ARIH2: variants seen among roughly 807,000 people sequenced by gnomAD.
The protein encoded by ARIH2 is ariadne RBR E3 ubiquitin protein ligase 2.
A neutral mutation model predicts 79.8 loss-of-function variants in ARIH2; 12 were observed. That is an observed-to-expected ratio of 0.15 (90% confidence interval 0.10 to 0.24). The LOEUF is 0.24. ARIH2 is among the 10% of genes least tolerant of loss of function. The probability of loss-of-function intolerance (pLI) is 1.00; values close to 1 mark genes in which losing one functional copy is unlikely to be tolerated. For synonymous variants in ARIH2, 224 were observed against 213.9 expected (o/e 1.05, Z -0.41); for missense variants, 301 against 618.3 (o/e 0.49, Z 5.44).
chr3:48,963,349 G>A (rs962367289), intron 4 of ARIH2, among the ~76,000 whole-genome samples: 4 of 152,158 alleles, frequency 2.6e-5, no homozygotes, highest in African/African-American at 9.7e-5. Context: ...TGGAGATTTG[G>A]ATGGCAAAAG....
At chr3:48,982,823 C>T (rs2092798511) in intron 14 of ARIH2, 73 bp from the exon 15 acceptor site, 1 of 1,098,396 alleles carries the variant, frequency 9.1e-7, no homozygotes, top group Non-Finnish European at 1.4e-6. Context: ...GCTGCATGTG[C>T]CCACCCCCGT....
intron 9 of ARIH2, among the ~76,000 whole-genome samples, chr3:48,974,093 A>T (rs1051205360): frequency 6.6e-6 from 1 of 152,174 alleles, no homozygotes; most frequent in Non-Finnish European, 1.5e-5. Context: ...TTATGATTGA[A>T]CGCCTACCAG....
At chr3:48,975,617 T>A (rs1014633554) in intron 11 of ARIH2, among the ~76,000 whole-genome samples, 3 of 151,372 alleles carry the variant, frequency 2.0e-5, no homozygotes, top group Non-Finnish European at 4.4e-5. Flanking sequence ...CAGGCTGGAG[T>A]GCAGTGGCGC....
chr3:48,980,255 C>A, intron 12 of ARIH2, 98 bp from the exon 13 acceptor site: 3 of 1,273,762 alleles, frequency 2.4e-6, no homozygotes, highest in Non-Finnish European at 3.3e-6. Flanking sequence ...GAGTCTGTGG[C>A]CATGTCCTGC....
intron 3 of ARIH2, chr3:48,934,308 C>G: frequency 1.3e-6 from 1 of 762,288 alleles, no homozygotes; most frequent in Non-Finnish European, 1.6e-6. Flanking sequence ...TAAAAGATAA[C>G]AAGTATCTGG....
At chr3:48,979,666 G>T (rs1482017896) in intron 12 of ARIH2, 33 bp downstream of exon 12, 1 of 1,609,472 alleles carries the variant, frequency 6.2e-7, no homozygotes, top group East Asian at 2.2e-5. Context: ...TCCCCTACAG[G>T]GTAGGCTTCT....
intron 3 of ARIH2, among the ~76,000 whole-genome samples, chr3:48,947,632 A>G (rs2089372291): frequency 6.6e-6 from 1 of 152,246 alleles, no homozygotes; most frequent in Non-Finnish European, 1.5e-5. Flanking sequence ...TTATAAATAA[A>G]AAGTCAAAGT....
At chr3:48,941,775 G>A (rs912776776) in intron 3 of ARIH2, among the ~76,000 whole-genome samples, 17 of 149,200 alleles carry the variant, frequency 1.1e-4, no homozygotes, top group African/African-American at 4.2e-4. Context: ...TGTATTTTTA[G>A]TAGAGACGGG....
At position 48,984,314 on chromosome 3, in the gene ARIH2, T is replaced by C. The variant is rs897704489; in HGVS notation, c.*1044T>C. On this transcript the variant is annotated 3_prime_UTR_variant, in exon 16 of 16. Transcript: ENST00000356401. ...TAGCCCTTCCTAGGGCACTGGACTTTCTGGCATGGGGGCTGTGTTTGCACA... is the reference window on the plus strand; with the variant it reads ...TAGCCCTTCCTAGGGCACTGGACTTCCTGGCATGGGGGCTGTGTTTGCACA... 4.6e-5 allele frequency: 7 copies of C among 152,656 alleles called. No individual in the cohort carries two copies. Among genetic ancestry groups the C allele is most frequent in the African/African-American group, 1.7e-4 (7 of 41,438 alleles). 9.5% of individuals were successfully genotyped at this position (152,656 alleles called of 1,614,324 possible). A position where few individuals can be genotyped will look rare whatever the true frequency, so the allele number is the denominator to read the frequency against.
chr3:48,921,136 T>C (rs1480013062), intron 1 of ARIH2, among the ~76,000 whole-genome samples: 1 of 76,502 alleles, frequency 1.3e-5, no homozygotes, highest in Non-Finnish European at 2.7e-5. Context: ...TTTGTATTTT[T>C]AGTAGAGACA....
chr3:48,984,929 C>G lies in ARIH2; in HGVS notation c.*1659C>G, dbSNP rs939461440. Reference sequence around the variant, plus strand: ...GTTTTGTCTCTTCCTGTGTTGTCCCCAGCAAGGGAGAGACTGTGGGGTGGA... The same window carrying G: ...GTTTTGTCTCTTCCTGTGTTGTCCCGAGCAAGGGAGAGACTGTGGGGTGGA... On this transcript the variant is annotated 3_prime_UTR_variant, in exon 16 of 16. Transcript: ENST00000356401. 5 of 152,218 alleles carry G rather than the reference C, an allele frequency of 3.3e-5. No individual in the cohort carries two copies. Among genetic ancestry groups the G allele is most frequent in the African/African-American group, 1.2e-4 (5 of 41,442 alleles). The allele number at this position is 152,218 out of a possible 1,614,324, so 9.4% of individuals were successfully genotyped here. A position where few individuals can be genotyped will look rare whatever the true frequency, so the allele number is the denominator to read the frequency against.
At chr3:48,934,477 A>G in intron 3 of ARIH2, 1 of 985,344 alleles carries the variant, frequency 1.0e-6, no homozygotes, top group Non-Finnish European at 1.2e-6. Flanking sequence ...AGTATCTTCA[A>G]GCTGGGCCTG....
intron 7 of ARIH2, 74 bp downstream of exon 7, chr3:48,968,729 C>T (rs2091972411): frequency 1.3e-6 from 2 of 1,548,954 alleles, no homozygotes; most frequent in Admixed American, 1.8e-5. Flanking sequence ...CAGTTACTTA[C>T]TTTGTAGACT....
In ARIH2 at chr3:48,939,585, G is replaced by C. The variant is rs769078364; in HGVS notation, c.255+11772G>C. ...ATCCCGGCTAACACAGTGAAACCCTGTCTCTACTAAAAATACAAAAAAATT... is the reference window on the plus strand; with the variant it reads ...ATCCCGGCTAACACAGTGAAACCCTCTCTCTACTAAAAATACAAAAAAATT... On this transcript the variant is annotated intron_variant, in intron 3 of 15. Coordinates refer to ENST00000356401, the MANE Select transcript of ARIH2 (RefSeq NM_006321.4). Among the ~76,000 whole-genome samples, 4 of 151,136 alleles carry C rather than the reference G, an allele frequency of 2.6e-5. No individual in the cohort carries two copies. In the South Asian group the frequency reaches 6.3e-4, roughly 24 times the overall value.
intron 2 of ARIH2, among the ~76,000 whole-genome samples, chr3:48,924,086 TGTTTTTA>T (rs1163474776): frequency 6.6e-6 from 1 of 152,172 alleles, no homozygotes; most frequent in Admixed American, 6.5e-5. Flanking sequence ...GCCATGATCA[TGTTTTTA>T]TATCTCAGAC....
chr3:48,975,626 G>A (rs755699371), intron 11 of ARIH2, among the ~76,000 whole-genome samples: 1 of 151,420 alleles, frequency 6.6e-6, no homozygotes, highest in Non-Finnish European at 1.5e-5. Context: ...GTGCAGTGGC[G>A]CAGTCTTGGC....
chr3:48,952,303 G>A (rs1318949664), intron 3 of ARIH2, among the ~76,000 whole-genome samples: 1 of 152,162 alleles, frequency 6.6e-6, no homozygotes, highest in African/African-American at 2.4e-5. Flanking sequence ...ATCATTCAGT[G>A]AATTGCTGTG....
intron 11 of ARIH2, among the ~76,000 whole-genome samples, chr3:48,977,488 C>T (rs993471623): frequency 6.0e-5 from 9 of 150,156 alleles, no homozygotes; most frequent in Admixed American, 6.0e-4. Flanking sequence ...GACAGAGTCT[C>T]ACTCTGTCGC....
chr3:48,977,651 G>C (rs1176492186), intron 11 of ARIH2, among the ~76,000 whole-genome samples: 1 of 152,140 alleles, frequency 6.6e-6, no homozygotes, highest in Non-Finnish European at 1.5e-5. Flanking sequence ...TAGAGACGGG[G>C]TTTCACCTTG....
Sources: gnomAD v4.1 joint callset for allele counts (sites outside exome capture counted in the v4.1 genomes callset) on GRCh38, gnomAD v4.1.1 for gene constraint, MANE v1.5 for transcripts, NCBI Gene and HGNC (gene_info 2026-07-23, HGNC 2026-07-21) for gene names.